Variants in GMIP observed in about 807,000 individuals in gnomAD.
The protein encoded by GMIP is GEM-interacting protein.
A neutral mutation model predicts 105.3 loss-of-function variants in GMIP; 54 were observed. That is an observed-to-expected ratio of 0.51 (90% CI 0.41 to 0.64). The LOEUF is 0.64. Ranked by LOEUF, GMIP falls within the 30% of genes least tolerant of loss-of-function variation. The pLI, the probability that GMIP is intolerant of heterozygous loss-of-function variation, is 0.00. For missense variants in GMIP, 1,110 were observed against 1,319.4 expected, an observed-to-expected ratio of 0.84 and a Z score of 2.46; for synonymous variants, 541 against 560.8, an observed-to-expected ratio of 0.96 and a Z score of 0.50.
intron 7 of GMIP, among the ~76,000 whole-genome samples, chr19:19,638,865 G>A (rs1244954491): frequency 6.7e-6 from 1 of 148,402 alleles, no homozygotes; most frequent in Middle Eastern, 3.5e-3. Flanking sequence ...CAGATCACCT[G>A]AGGCCAGGAG....
Position 19,642,008 on chromosome 19 carries a change from G to C in GMIP, c.148C>G (p.Pro50Ala). 2 of 1,613,766 alleles carry C rather than the reference G, an allele frequency of 1.2e-6. No individual in the cohort carries two copies. The highest frequency in any genetic ancestry group is 1.7e-6 in the Non-Finnish European group (2 of 1,179,750). ...GCTGTAGGGGTCTTGTCAGGTTCTGGGTCTTCTGAGAGTAGAGGGTCTCCA... is the reference window on the plus strand; with the variant it reads ...GCTGTAGGGGTCTTGTCAGGTTCTGCGTCTTCTGAGAGTAGAGGGTCTCCA... ...LAGDPLLSED[P>A]EPDKTPTATV... The change falls in exon 3 of 21, where the codon CCA becomes GCA. Residue 50 changes from proline to alanine, a missense_variant. Physicochemically the swap from Pro to Ala is conservative, Grantham distance 27. This residue lies in a region of GMIP where 667 missense variants were observed against 773.2 expected (regional missense o/e 0.86). Transcript: ENST00000203556.
At chr19:19,632,238 G>A (rs768366237) in intron 19 of GMIP, among the ~76,000 whole-genome samples, 21 of 152,054 alleles carry the variant, frequency 1.4e-4, no homozygotes, top group Non-Finnish European at 2.9e-4. Context: ...AGGTTACGGT[G>A]AACAGAGATC....
In GMIP at chr19:19,629,942, T is replaced by C; in HGVS notation, c.*21A>G. 2 of 1,599,458 alleles carry C rather than the reference T, an allele frequency of 1.3e-6. No individual in the cohort carries two copies. The highest frequency in any genetic ancestry group is 1.7e-6 in the Non-Finnish European group (2 of 1,174,330). On this transcript the variant is annotated 3_prime_UTR_variant, in exon 21 of 21. Transcript: ENST00000203556. ...CGTCTTCACAATCTGGGCCTCTTCC[T>C]TATTTAAGGTGCCAGGGTGGTCAGA...
rs1404371128 is a variant in GMIP, at chr19:19,634,571, G to C, written c.2020C>G (p.Leu674Val). The C allele has an allele frequency of 1.9e-6, 3 of 1,613,420 alleles. No homozygotes were observed. Among genetic ancestry groups the C allele is most frequent in the Non-Finnish European group, 2.5e-6 (3 of 1,179,842 alleles). Residue 674 changes from leucine to valine, a missense_variant, in exon 18 of 21, where the codon CTC (leucine) becomes GTC (valine). Around this residue, in one of 3 missense-constraint regions of GMIP, gnomAD observed 394 missense variants for 450.5 expected, o/e 0.87. Transcript: ENST00000203556. This position sits in a 1 kb window ranked among gnomAD's most constrained non-coding sequence, Gnocchi z 6.1. ...TTAGAGTCAGGCAGCTGTACCAAGAGGGTCTTCAGCGAGCGGATAACCTCA... is the reference window on the plus strand; with the variant it reads ...TTAGAGTCAGGCAGCTGTACCAAGACGGTCTTCAGCGAGCGGATAACCTCA... ...SPEVIRSLKT[L>V]LVQLPDSNYN...
intron 1 of GMIP, chr19:19,643,167 C>T (rs909691773): frequency 3.2e-6 from 1 of 315,844 alleles, no homozygotes; most frequent in Non-Finnish European, 5.8e-6. Context: ...CTCCCCAGGG[C>T]TACAGAGGGG....
rs199666308 is a variant in GMIP at position 19,636,802 on chromosome 19, T to C, written c.1238-6A>G. ...CGGAGTGGGGCCTGGAGTCCCTAGG[T>C]GGCACAGGTCAATAAGGATGGTCCC... On this transcript the variant is annotated splice_polypyrimidine_tract_variant and splice_region_variant and intron_variant, in intron 12 of 20. Coordinates refer to ENST00000203556, the MANE Select transcript of GMIP (RefSeq NM_016573.4). The C allele has an allele frequency of 3.8e-4, 614 of 1,608,358 alleles. No individual in the cohort carries two copies. The highest frequency in any genetic ancestry group is 3.0e-3 in the Middle Eastern group (18 of 6,038).
chr19:19,638,082 G>T, intron 9 of GMIP, 25 bp from the exon 10 acceptor site: 1 of 1,547,020 alleles, frequency 6.5e-7, no homozygotes, highest in South Asian at 1.2e-5. Context: ...GGCCAGGAGC[G>T]GGGTGGGGCG....
In GMIP at chr19:19,642,519, C is replaced by CCAGGCT. The variant is rs774334148; in HGVS notation, c.104+10_104+15dup. ...CATCTTGGCAGGATTTGGGGGTGATCCAGGCTCAGACTCACACGTTCCCCA... is the reference window on the plus strand; with the variant it reads ...CATCTTGGCAGGATTTGGGGGTGATCCAGGCTCAGGCTCAGACTCACACGTTCCCCA... On this transcript the variant is annotated intron_variant, in intron 2 of 20. Transcript: ENST00000203556. 1.3e-6 allele frequency: 2 copies of CCAGGCT among 1,562,342 alleles called. No individual in the cohort carries two copies. Among genetic ancestry groups the CCAGGCT allele is most frequent in the Non-Finnish European group, 1.8e-6 (2 of 1,133,834 alleles).
chr19:19,641,717 A>G, intron 4 of GMIP, 93 bp downstream of exon 4: 1 of 946,470 alleles, frequency 1.1e-6, no homozygotes, highest in Non-Finnish European at 1.7e-6. Flanking sequence ...CAAAACCTAA[A>G]CGATGCCTTG....
Position 19,635,688 on chromosome 19 carries a change from G to GACGA in GMIP, c.1357_1360dup (p.Ser454PhefsTer6). 6.2e-7 allele frequency: 1 copy of GACGA among 1,614,150 alleles called. No individual in the cohort carries two copies. Among genetic ancestry groups the GACGA allele is most frequent in the Non-Finnish European group, 8.5e-7 (1 of 1,180,018 alleles). ...GTCATCTGAGGACTCAGTGCCTGTG[G>GACGA]ACGAAGCCTTCACCAGCTGCCTCGT... On this transcript the variant is annotated frameshift_variant, in exon 14 of 21. Transcript: ENST00000203556. LOFTEE classifies it high-confidence loss of function. This position sits in a 1 kb window ranked among gnomAD's most constrained non-coding sequence, Gnocchi z 4.7.
At chr19:19,643,387 TG>T in intron 1 of GMIP, 123 bp downstream of exon 1, 1 of 886,296 alleles carries the variant, frequency 1.1e-6, no homozygotes, top group Non-Finnish European at 1.8e-6. Flanking sequence ...GGAGGATCCC[TG>T]GGTCCTTCCC....
In GMIP at chr19:19,643,630, G is replaced by T. The variant is rs1486178865; in HGVS notation, c.-101C>A. On this transcript the variant is annotated 5_prime_UTR_variant, in exon 1 of 21. Coordinates refer to ENST00000203556, the MANE Select transcript of GMIP (RefSeq NM_016573.4). Reference sequence around the variant, plus strand: ...TCCTGCCGCCGCAGCCGCCGCCGCCGCCTCGGTTCCGCGTCGCCCTGCCCA... The same window carrying T: ...TCCTGCCGCCGCAGCCGCCGCCGCCTCCTCGGTTCCGCGTCGCCCTGCCCA... 1.0e-5 allele frequency: 11 copies of T among 1,060,096 alleles called. 1 individual carries two copies. The Admixed American group carries it at 1.3e-4, about 13-fold the overall frequency. The allele number at this position is 1,060,096 out of a possible 1,614,324, so 65.7% of individuals were successfully genotyped here. A position where few individuals can be genotyped will look rare whatever the true frequency, so the allele number is the denominator to read the frequency against.
chr19:19,638,591 A>ATT (rs776778379), intron 7 of GMIP, 109 bp from the exon 8 acceptor site: 326 of 687,050 alleles, frequency 4.7e-4, no homozygotes, highest in Non-Finnish European at 6.1e-4. Context: ...TCTGGACTCT[A>ATT]TTTTTTTTTT....
Position 19,635,357 on chromosome 19 carries a change from G to A in GMIP, c.1560+58C>T. The A allele has an allele frequency of 1.9e-6, 3 of 1,580,430 alleles. No homozygotes were observed. The highest frequency in any genetic ancestry group is 2.6e-6 in the Non-Finnish European group (3 of 1,158,710). Reference sequence around the variant, plus strand: ...GGGCAGAAAGGCTGTAGGAATCTCAGGTCAGGGAGATGATCAAGGGTCAGC... The same window carrying A: ...GGGCAGAAAGGCTGTAGGAATCTCAAGTCAGGGAGATGATCAAGGGTCAGC... On this transcript the variant is annotated intron_variant, in intron 15 of 20. Transcript: ENST00000203556. This position sits in a 1 kb window ranked among gnomAD's most constrained non-coding sequence, Gnocchi z 4.7.
intron 19 of GMIP, among the ~76,000 whole-genome samples, chr19:19,633,270 T>C (rs11878202): frequency 0.77 from 117,540 of 152,002 alleles, 45,679 homozygotes; most frequent in African/African-American, 0.83. Flanking sequence ...ATTGGTTGGA[T>C]TAGTCTCGAA....
chr19:19,630,504 C>T lies in GMIP; in HGVS notation c.2506G>A (p.Val836Met), dbSNP rs773616479. ...PTPQSDQRED[V>M]AEDTKDGGGE... ...CCCCCATCTTTGGTGTCTTCAGCCA[C>T]GTCCTCTCTCTGGTCACTCTGTGGA... The change falls in exon 20 of 21, where the codon GTG becomes ATG. Residue 836 changes from valine (V) to methionine (M), a missense_variant. Val to Met is a conservative substitution (Grantham distance 21). This residue lies in a region of GMIP where 394 missense variants were observed against 450.5 expected (regional missense o/e 0.87). Coordinates refer to ENST00000203556, the MANE Select transcript of GMIP (RefSeq NM_016573.4). The surrounding 1 kb of genome is among the most constrained non-coding windows in gnomAD (Gnocchi z 4.8). 4.3e-6 allele frequency: 7 copies of T among 1,613,978 alleles called. No homozygotes were observed. The highest frequency in any genetic ancestry group is 4.5e-5 in the East Asian group (2 of 44,890).
chr19:19,642,340 G>A (rs1008059845), intron 2 of GMIP, among the ~76,000 whole-genome samples, 195 bp downstream of exon 2: 1 of 152,058 alleles, frequency 6.6e-6, no homozygotes. Context: ...GGACCACTTT[G>A]GGGATTTCCA....
chr19:19,636,682 G>A, intron 13 of GMIP, 25 bp downstream of exon 13: 1 of 1,539,866 alleles, frequency 6.5e-7, no homozygotes, highest in South Asian at 1.1e-5. Context: ...GTGGAGTGTG[G>A]GTCAGGACCA....
Position 19,634,743 on chromosome 19 carries a change from G to T in GMIP, c.1888-40C>A. On this transcript the variant is annotated intron_variant, in intron 17 of 20. Coordinates refer to ENST00000203556, the MANE Select transcript of GMIP (RefSeq NM_016573.4). The surrounding 1 kb of genome is among the most constrained non-coding windows in gnomAD (Gnocchi z 6.1). Reference sequence around the variant, plus strand: ...GAGGGCGCAACACGAGTGTGGGTGGGCTGTGGAGGGCTCCTGCCCGCGTCC... The same window carrying T: ...GAGGGCGCAACACGAGTGTGGGTGGTCTGTGGAGGGCTCCTGCCCGCGTCC... 6.2e-7 allele frequency: 1 copy of T among 1,610,032 alleles called. No individual in the cohort carries two copies. Among genetic ancestry groups the T allele is most frequent in the South Asian group, 1.1e-5 (1 of 90,960 alleles).
Sources: allele counts gnomAD v4.1 joint callset (sites outside exome capture counted in the v4.1 genomes callset), GRCh38; gene constraint gnomAD v4.1.1; regional missense constraint gnomAD v4.1.1; non-coding constraint Gnocchi (gnomAD v3.1); transcripts MANE v1.5; gene names NCBI Gene and HGNC (gene_info 2026-07-23, HGNC 2026-07-21).